TIAM1: variants seen among roughly 807,000 people sequenced by gnomAD.
The protein encoded by TIAM1 is TIAM Rac1 associated GEF 1.
TIAM1 carries 65 observed loss-of-function variants against 163.5 expected under a neutral mutation model. That is an observed-to-expected ratio of 0.40 (90% CI 0.33 to 0.49). The LOEUF (loss-of-function observed/expected upper bound fraction) is 0.49. Ranked by LOEUF, TIAM1 falls within the 20% of genes least tolerant of loss-of-function variation. The pLI is 0.77. For missense variants in TIAM1, 1,789 were observed against 2,044.7 expected, an observed-to-expected ratio of 0.87 and a Z score of 2.41; for synonymous variants, 833 against 810.1, an observed-to-expected ratio of 1.03 and a Z score of -0.48.
intron 23 of TIAM1, among the ~76,000 whole-genome samples, chr21:31,133,738 C>T (rs962318687): frequency 6.6e-6 from 1 of 152,190 alleles, no homozygotes; most frequent in Non-Finnish European, 1.5e-5. Context: ...AGCATGTGGC[C>T]TCTTGGCCCA....
chr21:31,204,697 C>T (rs1453179283), intron 11 of TIAM1, among the ~76,000 whole-genome samples: 1 of 152,128 alleles, frequency 6.6e-6, no homozygotes, highest in African/African-American at 2.4e-5. Flanking sequence ...CAGGTAAAAG[C>T]TATGTAGATG....
At chr21:31,344,271 T>G (rs981806633), upstream of TIAM1, 2 of 152,256 alleles carry the variant, frequency 1.3e-5, no homozygotes, top group Admixed American at 6.5e-5. Context: ...TGAAGTTTCG[T>G]GCTATGATGA....
intron 2 of TIAM1, among the ~76,000 whole-genome samples, chr21:31,437,502 C>CAA (rs778245444): frequency 1.9e-5 from 2 of 106,512 alleles, no homozygotes; most frequent in East Asian, 2.9e-4. Context: ...GACCCTGTCT[C>CAA]AAAAAAAAAA....
chr21:31,463,554 A>G (rs1005810118), intron 2 of TIAM1, among the ~76,000 whole-genome samples: 9 of 152,148 alleles, frequency 5.9e-5, no homozygotes, highest in African/African-American at 1.9e-4. Context: ...GCAGTGGCTC[A>G]TGCCTGTAAT....
intron 1 of TIAM1, among the ~76,000 whole-genome samples, chr21:31,509,786 G>A (rs1211310423): frequency 1.3e-5 from 2 of 152,122 alleles, no homozygotes; most frequent in Non-Finnish European, 2.9e-5. Context: ...TCTCAGGGGC[G>A]CCCCCTACCT....
At chr21:31,247,423 G>T (rs1162322345) in intron 5 of TIAM1, among the ~76,000 whole-genome samples, 1 of 151,904 alleles carries the variant, frequency 6.6e-6, no homozygotes, top group African/African-American at 2.4e-5. Flanking sequence ...TAGATATGGG[G>T]TCCCACTGTT....
rs138048964 is a variant in TIAM1, at chr21:31,385,652, T to C, written c.-368-46230A>G. On this transcript the variant is annotated intron_variant, in intron 2 of 28. Coordinates refer to the TIAM1 transcript ENST00000286827. ...AAACTACAAAATAATAAGGGGGTAA[T>C]GTATATTCCTCACCCAGTCTTGGCA... 4.6e-5 allele frequency among the ~76,000 whole-genome samples: 7 copies of C among 150,770 alleles called. 1 individual carries two copies. In the East Asian group the frequency reaches 1.4e-3, roughly 29 times the overall value.
At chr21:31,428,465 G>A (rs914684761) in intron 2 of TIAM1, among the ~76,000 whole-genome samples, 34 of 152,110 alleles carry the variant, frequency 2.2e-4, no homozygotes, top group African/African-American at 7.7e-4. Flanking sequence ...CGATTCTCTC[G>A]AGGTTCAAAG....
chr21:31,242,357 C>T (rs904293363), intron 6 of TIAM1, among the ~76,000 whole-genome samples: 1 of 151,814 alleles, frequency 6.6e-6, no homozygotes, highest in South Asian at 2.1e-4. Flanking sequence ...TCCATCTCTA[C>T]AAAAAAATAG....
intron 2 of TIAM1, among the ~76,000 whole-genome samples, chr21:31,314,541 A>G (rs1437380967): frequency 6.6e-6 from 1 of 152,132 alleles, no homozygotes; most frequent in Non-Finnish European, 1.5e-5. Context: ...TTAAACAGGG[A>G]CCCATATTTT....
At chr21:31,498,973 CGAAGA>C (rs1221068157) in intron 1 of TIAM1, among the ~76,000 whole-genome samples, 5 of 106,614 alleles carry the variant, frequency 4.7e-5, no homozygotes, top group African/African-American at 1.9e-4. Context: ...AAGAAAAGAG[CGAAGA>C]GAAGAGAAGG....
At chr21:31,168,094 A>ATT (rs11307082) in intron 15 of TIAM1, among the ~76,000 whole-genome samples, 5 of 141,772 alleles carry the variant, frequency 3.5e-5, no homozygotes, top group Non-Finnish European at 6.2e-5. Flanking sequence ...GATTCTTATT[A>ATT]TTTTTTTTTT....
intron 13 of TIAM1, among the ~76,000 whole-genome samples, chr21:31,189,281 C>CAAG (rs1404169061): frequency 1.3e-5 from 2 of 151,884 alleles, no homozygotes; most frequent in Non-Finnish European, 2.9e-5. Flanking sequence ...TCTCAAACTC[C>CAAG]TGACTTCAAG....
At chr21:31,309,263 G>A (rs1360809746) in intron 2 of TIAM1, among the ~76,000 whole-genome samples, 2 of 152,226 alleles carry the variant, frequency 1.3e-5, no homozygotes, top group South Asian at 4.1e-4. Context: ...TCCAAGACCA[G>A]CGTGGCCAAC....
chr21:31,196,751 C>G (rs1404639111), intron 12 of TIAM1, among the ~76,000 whole-genome samples: 2 of 152,098 alleles, frequency 1.3e-5, no homozygotes, highest in East Asian at 3.9e-4. Flanking sequence ...GGTATACATC[C>G]AAAAGAAAAT....
chr21:31,437,910 C>T (rs150850009), intron 2 of TIAM1, among the ~76,000 whole-genome samples: 14 of 152,282 alleles, frequency 9.2e-5, no homozygotes, highest in South Asian at 4.1e-4. Context: ...CAGACTAATA[C>T]GTATGGATAT....
chr21:31,191,145 T>G (rs2085540222), intron 13 of TIAM1, among the ~76,000 whole-genome samples: 1 of 152,012 alleles, frequency 6.6e-6, no homozygotes. Flanking sequence ...TTATTAGCCA[T>G]GAGTGGCAGG....
At position 31,210,639 on chromosome 21, in the gene TIAM1, A is replaced by G. The variant is rs1348427793; in HGVS notation, c.2218-424T>C. Reference sequence around the variant, plus strand: ...GGAGAAAGAAAGAAAGAAAGAAAGAAAGAAAGAAAGAAAGAAAGAAAGAAA... The same window carrying G: ...GGAGAAAGAAAGAAAGAAAGAAAGAGAGAAAGAAAGAAAGAAAGAAAGAAA... On this transcript the variant is annotated intron_variant, in intron 10 of 27. Transcript: ENST00000541036. 3.6e-3 allele frequency among the ~76,000 whole-genome samples: 94 copies of G among 26,334 alleles called. 2 individuals are homozygous for G. Among genetic ancestry groups the G allele is most frequent in the African/African-American group, 0.011 (58 of 5,124 alleles). The allele number at this position is 26,334 out of a possible 152,430, so 17.3% of individuals were successfully genotyped here.
chr21:31,469,868 T>C (rs936800548), intron 1 of TIAM1, among the ~76,000 whole-genome samples: 3 of 151,942 alleles, frequency 2.0e-5, no homozygotes, highest in African/African-American at 4.8e-5. Flanking sequence ...CAATTTTCTA[T>C]CTTTGCCCTC....
Sources: allele counts gnomAD v4.1 joint callset (sites outside exome capture counted in the v4.1 genomes callset), GRCh38; gene constraint gnomAD v4.1.1; transcripts MANE v1.5; gene names NCBI Gene and HGNC (gene_info 2026-07-23, HGNC 2026-07-21).